Variants in ADCY8 observed in about 807,000 individuals in gnomAD.
ADCY8 encodes the protein adenylate cyclase 8.
Under a neutral mutation model 119.7 loss-of-function variants are expected in ADCY8, and 51 were observed. The observed-to-expected ratio is 0.43, with a 90% CI of 0.34 to 0.54. ADCY8 has a LOEUF of 0.54. ADCY8 is among the 20% of genes least tolerant of loss of function. The probability of loss-of-function intolerance (pLI) is 0.03; values close to 1 mark genes in which losing one functional copy is unlikely to be tolerated. For synonymous variants in ADCY8, 665 were observed against 651.0 expected (o/e 1.02, Z -0.33); for missense variants, 1,383 against 1,598.8 (o/e 0.87, Z 2.30).
chr8:131,017,918 A>G (rs899476967), intron 1 of ADCY8, among the ~76,000 whole-genome samples: 2 of 152,186 alleles, frequency 1.3e-5, no homozygotes, highest in African/African-American at 4.8e-5. Flanking sequence ...TTGTTTCCTT[A>G]TCTGATAAGC....
At chr8:131,005,642 C>T (rs1408540387) in intron 1 of ADCY8, among the ~76,000 whole-genome samples, 7 of 152,214 alleles carry the variant, frequency 4.6e-5, no homozygotes, top group Admixed American at 3.9e-4. Context: ...CATGGCTAGC[C>T]GAAGAGGAAG....
rs150658448 is a variant in ADCY8, at chr8:131,002,681, G to A, written c.961-12139C>T. Among the ~76,000 whole-genome samples, 4 of 151,848 alleles carry A rather than the reference G, an allele frequency of 2.6e-5. No homozygotes were observed. In the East Asian group the frequency reaches 7.7e-4, roughly 29 times the overall value. On this transcript the variant is annotated intron_variant, in intron 1 of 17. Transcript: ENST00000286355. ...AAGAAAAGGTAAAAAAAAAAATGAG[G>A]CCTCCTGAACTCAGCTAAAAAAGTA...
At chr8:131,020,839 C>G (rs1823643477) in intron 1 of ADCY8, among the ~76,000 whole-genome samples, 1 of 152,152 alleles carries the variant, frequency 6.6e-6, no homozygotes, top group African/African-American at 2.4e-5. Flanking sequence ...TCAGTTTCTT[C>G]CCTTGGGAAA....
intron 5 of ADCY8, among the ~76,000 whole-genome samples, chr8:130,934,825 C>T (rs528352591): frequency 6.6e-6 from 1 of 152,156 alleles, no homozygotes; most frequent in Non-Finnish European, 1.5e-5. Context: ...ATCTACCTAC[C>T]TACTTGGTAT....
intron 1 of ADCY8, among the ~76,000 whole-genome samples, chr8:130,992,400 T>TATATATATATATAA (rs1822615534): frequency 3.3e-5 from 1 of 30,566 alleles, no homozygotes; most frequent in African/African-American, 1.3e-4. Flanking sequence ...TATATATATA[T>TATATATATATATAA]ATATATATAT....
chr8:130,865,980 C>A (rs1324300020), intron 9 of ADCY8, among the ~76,000 whole-genome samples: 1 of 152,138 alleles, frequency 6.6e-6, no homozygotes, highest in African/African-American at 2.4e-5. Context: ...CAGTGCATAT[C>A]TGTTGGCTGT....
chr8:130,819,688 G>C (rs1208813611), intron 13 of ADCY8, among the ~76,000 whole-genome samples: 1 of 152,174 alleles, frequency 6.6e-6, no homozygotes, highest in East Asian at 1.9e-4. Flanking sequence ...ATTGTCATTT[G>C]TGTGTCAGAC....
At chr8:130,883,792 C>T (rs924767099) in intron 8 of ADCY8, among the ~76,000 whole-genome samples, 2 of 152,134 alleles carry the variant, frequency 1.3e-5, no homozygotes, top group Non-Finnish European at 2.9e-5. Flanking sequence ...CTGCCCACTC[C>T]CTTCTCCAGT....
chr8:131,011,033 C>G (rs555579658), intron 1 of ADCY8, among the ~76,000 whole-genome samples: 1 of 152,234 alleles, frequency 6.6e-6, no homozygotes, highest in South Asian at 2.1e-4. Flanking sequence ...CCAGTCATAA[C>G]ACATGAAACA....
At position 130,814,083 on chromosome 8, in the gene ADCY8, C is replaced by G; in HGVS notation, c.2899G>C (p.Asp967His). The change falls in exon 14 of 18, where the codon GAC (aspartate) becomes CAC (histidine). Residue 967 changes from aspartate to histidine, a missense_variant. Asp to His is a moderately conservative substitution (Grantham distance 81). This residue lies in a region of ADCY8 where 928 missense variants were observed against 1,163.5 expected (regional missense o/e 0.80). Transcript: ENST00000286355. ...SHVARHFLEK[D>H]RDNEELYSQS... ...CCCTGGCTCACCTCATTGTCTCGGTCCTTCTCTAGGAAATGGCGGGCCACA... is the reference window on the plus strand; with the variant it reads ...CCCTGGCTCACCTCATTGTCTCGGTGCTTCTCTAGGAAATGGCGGGCCACA... 6.2e-7 allele frequency: 1 copy of G among 1,614,158 alleles called. No individual in the cohort carries two copies. Among genetic ancestry groups the G allele is most frequent in the Non-Finnish European group, 8.5e-7 (1 of 1,180,022 alleles).
At chr8:130,865,020 C>T (rs1286336217) in intron 9 of ADCY8, among the ~76,000 whole-genome samples, 2 of 152,068 alleles carry the variant, frequency 1.3e-5, no homozygotes, top group African/African-American at 4.8e-5. Context: ...TTAAGGTTTG[C>T]TATAGTTGTA....
intron 12 of ADCY8, among the ~76,000 whole-genome samples, chr8:130,831,150 A>T (rs1816822505): frequency 1.3e-5 from 2 of 152,198 alleles, no homozygotes; most frequent in Admixed American, 1.3e-4. Flanking sequence ...TAATGAGAAA[A>T]AATCTTAAGG....
intron 6 of ADCY8, among the ~76,000 whole-genome samples, chr8:130,908,782 T>A (rs966608517): frequency 6.6e-6 from 1 of 152,206 alleles, no homozygotes; most frequent in African/African-American, 2.4e-5. Context: ...ATGCTTTACA[T>A]AACTTGCTGA....
chr8:131,027,154 C>A (rs1414553113), intron 1 of ADCY8, among the ~76,000 whole-genome samples: 2 of 152,188 alleles, frequency 1.3e-5, no homozygotes, highest in Admixed American at 6.5e-5. Flanking sequence ...TATCTCTCTG[C>A]CCCTCCTTTC....
intron 1 of ADCY8, among the ~76,000 whole-genome samples, chr8:131,004,498 G>A (rs1022210280): frequency 6.6e-6 from 1 of 151,964 alleles, no homozygotes; most frequent in African/African-American, 2.4e-5. Context: ...TTGATCTCTC[G>A]ACCTGTACTC....
intron 11 of ADCY8, among the ~76,000 whole-genome samples, chr8:130,837,036 T>C (rs911499910): frequency 3.9e-5 from 6 of 152,132 alleles, no homozygotes; most frequent in South Asian, 2.1e-4. Flanking sequence ...GCCTGGCTGA[T>C]TCTTCTTTAA....
rs544419909 is a variant in ADCY8 at position 130,938,808 on chromosome 8, A to T, written c.1354-1608T>A. On this transcript the variant is annotated intron_variant, in intron 4 of 17. Transcript: ENST00000286355. ...CAGATGCAATCTTCAGAACTCTGAC[A>T]GCATGTACAGCCATCCCAGGATTAT... Among the ~76,000 whole-genome samples the T allele has an allele frequency of 3.9e-5, 6 of 152,358 alleles. 1 individual carries two copies. In the South Asian group the frequency reaches 1.2e-3, roughly 32 times the overall value.
intron 1 of ADCY8, among the ~76,000 whole-genome samples, chr8:131,029,899 G>A (rs1210226610): frequency 6.6e-6 from 1 of 151,844 alleles, no homozygotes; most frequent in Admixed American, 6.6e-5. Context: ...GGAAGGAAAT[G>A]GTCATCTACT....
chr8:130,849,975 C>T (rs1817465209), intron 9 of ADCY8, among the ~76,000 whole-genome samples, 172 bp from the exon 10 acceptor site: 1 of 152,134 alleles, frequency 6.6e-6, no homozygotes, highest in South Asian at 2.1e-4. Flanking sequence ...ACATGCATCC[C>T]TAGAGCACTC....
Sources: gnomAD v4.1 joint callset for allele counts (sites outside exome capture counted in the v4.1 genomes callset) on GRCh38, gnomAD v4.1.1 for gene constraint, gnomAD v4.1.1 regional missense constraint, MANE v1.5 for transcripts, NCBI Gene and HGNC (gene_info 2026-07-23, HGNC 2026-07-21) for gene names.